EVA1C: variants seen among roughly 807,000 people sequenced by gnomAD.
EVA1C encodes the protein eva-1 homolog C, also known as protein eva-1 homolog C.
A neutral mutation model predicts 45.4 loss-of-function variants in EVA1C; 25 were observed. That is an observed-to-expected ratio of 0.55 (90% CI 0.40 to 0.77). The LOEUF (loss-of-function observed/expected upper bound fraction) is 0.77. EVA1C is among the 30% of genes least tolerant of loss of function. EVA1C has a pLI of 0.00. For synonymous variants in EVA1C, 190 were observed against 221.2 expected (o/e 0.86, Z 1.25); for missense variants, 479 against 554.8 (o/e 0.86, Z 1.37).
chr21:32,473,432 G>A (rs1284772374), intron 4 of EVA1C, among the ~76,000 whole-genome samples: 2 of 152,074 alleles, frequency 1.3e-5, no homozygotes, highest in African/African-American at 2.4e-5. Flanking sequence ...TTTACCCCTC[G>A]TGTCCAAACA....
chr21:32,493,364 G>A (rs540010870), intron 4 of EVA1C, among the ~76,000 whole-genome samples: 1 of 152,292 alleles, frequency 6.6e-6, no homozygotes, highest in South Asian at 2.1e-4. Context: ...GTTGCTTGCA[G>A]AGTAAAGTCT....
chr21:32,503,945 C>A lies in EVA1C; in HGVS notation c.879C>A (p.Ser293Arg). 4 of 1,610,534 alleles carry A rather than the reference C, an allele frequency of 2.5e-6. No homozygotes were observed. The highest frequency in any genetic ancestry group is 1.1e-5 in the South Asian group (1 of 90,852). The change falls in exon 7 of 8, where the codon AGC becomes AGA. Residue 293 changes from serine to arginine, a missense_variant. Transcript: ENST00000300255. ...DGEYGINFDP[S>R]GSKVLRKDGI... is the part of the protein sequence containing the mutation. Reference sequence around the variant, plus strand: ...AAACAGGTATAAACTTCGACCCAAGCGGATCGAAGGTTCTGAGGAAAGATG... The same window carrying A: ...AAACAGGTATAAACTTCGACCCAAGAGGATCGAAGGTTCTGAGGAAAGATG...
chr21:32,467,455 T>G (rs1169290086), intron 3 of EVA1C, among the ~76,000 whole-genome samples: 1 of 152,154 alleles, frequency 6.6e-6, no homozygotes, highest in Non-Finnish European at 1.5e-5. Flanking sequence ...GCACCTCTCC[T>G]CCATTTGCCC....
chr21:32,421,392 AC>A (rs373253865), intron 1 of EVA1C, among the ~76,000 whole-genome samples: 153 of 152,322 alleles, frequency 1.0e-3, no homozygotes, highest in African/African-American at 3.6e-3. Context: ...TGGATGTAAA[AC>A]AAATCAGCCT....
At chr21:32,477,114 G>A (rs2036596640) in intron 4 of EVA1C, among the ~76,000 whole-genome samples, 1 of 152,186 alleles carries the variant, frequency 6.6e-6, no homozygotes, top group South Asian at 2.1e-4. Context: ...CTGGGGACAG[G>A]TGGGGCCTGA....
intron 1 of EVA1C, among the ~76,000 whole-genome samples, chr21:32,420,199 G>A (rs2146109421): frequency 6.9e-6 from 1 of 145,634 alleles, no homozygotes; most frequent in Admixed American, 6.9e-5. Flanking sequence ...GGTGAAACCT[G>A]TCTCTACTTA....
chr21:32,490,414 C>T (rs534839695), intron 4 of EVA1C, among the ~76,000 whole-genome samples: 5 of 152,038 alleles, frequency 3.3e-5, no homozygotes, highest in Admixed American at 6.6e-5. Flanking sequence ...TCTTAGGAGT[C>T]GGACTTGGTC....
At chr21:32,444,055 C>A (rs1258749707) in intron 1 of EVA1C, among the ~76,000 whole-genome samples, 1 of 56,300 alleles carries the variant, frequency 1.8e-5, no homozygotes, top group Admixed American at 1.7e-4. Flanking sequence ...TGTGTGAAAA[C>A]ACACACACAC....
chr21:32,457,857 C>A, intron 3 of EVA1C, 137 bp downstream of exon 3: 1 of 952,534 alleles, frequency 1.0e-6, no homozygotes. Flanking sequence ...TCCATCCTAC[C>A]CAGTTTTTTA....
intron 1 of EVA1C, among the ~76,000 whole-genome samples, chr21:32,426,657 C>T (rs969749703): frequency 2.6e-5 from 4 of 152,068 alleles, no homozygotes; most frequent in Non-Finnish European, 5.9e-5. Context: ...GGCTAAGCAT[C>T]GTTTTACAGC....
intron 1 of EVA1C, among the ~76,000 whole-genome samples, chr21:32,436,777 C>T (rs549409549): frequency 2.6e-5 from 4 of 152,374 alleles, no homozygotes; most frequent in Middle Eastern, 3.4e-3. Context: ...GCAGACACGC[C>T]ATGGGGAGTG....
chr21:32,487,352 A>G (rs1257986101), intron 4 of EVA1C, among the ~76,000 whole-genome samples: 1 of 152,188 alleles, frequency 6.6e-6, no homozygotes, highest in Non-Finnish European at 1.5e-5. Flanking sequence ...CCATGCCTAT[A>G]TCATGAGACC....
intron 1 of EVA1C, among the ~76,000 whole-genome samples, chr21:32,445,607 T>C (rs2035335497): frequency 6.6e-6 from 1 of 152,170 alleles, no homozygotes; most frequent in Non-Finnish European, 1.5e-5. Context: ...TATTTGAATA[T>C]TAATGGATTT....
intron 1 of EVA1C, among the ~76,000 whole-genome samples, chr21:32,427,896 G>A (rs2034553788): frequency 6.8e-6 from 1 of 147,072 alleles, no homozygotes; most frequent in African/African-American, 2.5e-5. Context: ...GGAAAAACTT[G>A]TTTTTGAAGT....
At position 32,440,038 on chromosome 21, in the gene EVA1C, G is replaced by A. The variant is rs148229546; in HGVS notation, c.161-13274G>A. On this transcript the variant is annotated intron_variant, in intron 1 of 7. Coordinates refer to ENST00000300255, the MANE Select transcript of EVA1C (RefSeq NM_058187.5). ...CAGAGTTGAAAGGCTGTCTAAGCGG[G>A]TGGGATGGGAGGCGGTGCCCTTCCA... 2.9e-3 allele frequency among the ~76,000 whole-genome samples: 441 copies of A among 152,156 alleles called. 6 individuals are homozygous for A. The highest frequency in any genetic ancestry group is 8.9e-3 in the African/African-American group (368 of 41,506).
chr21:32,467,192 C>T (rs528643801), intron 3 of EVA1C, among the ~76,000 whole-genome samples: 2 of 152,148 alleles, frequency 1.3e-5, no homozygotes, highest in Non-Finnish European at 2.9e-5. Flanking sequence ...ATAATACCTA[C>T]ATGCATGGGG....
At chr21:32,484,494 A>T (rs1183529525) in intron 4 of EVA1C, among the ~76,000 whole-genome samples, 1 of 151,726 alleles carries the variant, frequency 6.6e-6, no homozygotes, top group Non-Finnish European at 1.5e-5. Context: ...CAGTGAGCCG[A>T]GATCATGCCA....
chr21:32,513,461 G>A (rs1452328356), intron 7 of EVA1C, among the ~76,000 whole-genome samples: 2 of 147,716 alleles, frequency 1.4e-5, no homozygotes, highest in Non-Finnish European at 1.5e-5. Context: ...TTACAGGCGT[G>A]AGCCACCGTG....
At chr21:32,449,932 T>C (rs1386806033) in intron 1 of EVA1C, among the ~76,000 whole-genome samples, 1 of 152,078 alleles carries the variant, frequency 6.6e-6, no homozygotes, top group East Asian at 1.9e-4. Flanking sequence ...CGGGCCTAGG[T>C]TTTTGAAGAA....
Sources: gnomAD v4.1 joint callset for allele counts (sites outside exome capture counted in the v4.1 genomes callset) on GRCh38, gnomAD v4.1.1 for gene constraint, MANE v1.5 for transcripts, NCBI Gene and HGNC (gene_info 2026-07-23, HGNC 2026-07-21) for gene names.